The following DNM1L variants were observed in gnomAD, a reference collection of about 807,000 sequenced individuals.
DNM1L encodes the protein dynamin 1L, also known as dynamin-1-like protein.
In DNM1L, 33 loss-of-function variants were observed where a neutral mutation model predicts 92.8. The ratio of observed to expected loss-of-function variants is 0.36; its 90% CI spans 0.27 to 0.48. The LOEUF (loss-of-function observed/expected upper bound fraction) is 0.48, where lower values mean the gene tolerates loss of function less well. DNM1L is among the 20% of genes least tolerant of loss of function. The probability of loss-of-function intolerance (pLI) is 0.99; values close to 1 mark genes in which losing one functional copy is unlikely to be tolerated. For missense variants in DNM1L, 485 were observed against 888.8 expected, an observed-to-expected ratio of 0.55 and a Z score of 5.78; for synonymous variants, 284 against 305.0, an observed-to-expected ratio of 0.93 and a Z score of 0.72.
chr12:32,739,697 T>C (rs1474685415), intron 16 of DNM1L: 1 of 233,914 alleles, frequency 4.3e-6, no homozygotes, highest in African/African-American at 2.2e-5. Context: ...AGCAGTTCTT[T>C]GTGCTTTTAA....
intron 5 of DNM1L, among the ~76,000 whole-genome samples, chr12:32,712,812 G>A (rs180966847): frequency 6.6e-6 from 1 of 151,922 alleles, no homozygotes; most frequent in African/African-American, 2.4e-5. Context: ...TAAGTTCTAC[G>A]AAGGCAGAAA....
intron 7 of DNM1L, among the ~76,000 whole-genome samples, chr12:32,720,293 T>C (rs1237899147): frequency 1.3e-5 from 2 of 152,210 alleles, no homozygotes; most frequent in Non-Finnish European, 2.9e-5. Flanking sequence ...TCCCTGTCCA[T>C]GGATAAAATA....
At chr12:32,738,101 C>A in intron 15 of DNM1L, 159 bp downstream of exon 15, 1 of 1,045,362 alleles carries the variant, frequency 9.6e-7, no homozygotes, top group Non-Finnish European at 1.4e-6. Flanking sequence ...TATAACAATG[C>A]AATGCATAGT....
chr12:32,727,782 C>T (rs1049026655), intron 9 of DNM1L, among the ~76,000 whole-genome samples: 1 of 152,162 alleles, frequency 6.6e-6, no homozygotes, highest in Non-Finnish European at 1.5e-5. Context: ...GGCCAGTCTC[C>T]TACTACTGGA....
intron 6 of DNM1L, among the ~76,000 whole-genome samples, chr12:32,717,883 ATT>A (rs567061273): frequency 2.8e-5 from 3 of 108,802 alleles, no homozygotes; most frequent in African/African-American, 1.2e-4. Flanking sequence ...TACTATATAT[ATT>A]TATATATACT....
intron 1 of DNM1L, among the ~76,000 whole-genome samples, chr12:32,695,962 C>T (rs577672478): frequency 6.6e-6 from 1 of 152,052 alleles, no homozygotes; most frequent in African/African-American, 2.4e-5. Flanking sequence ...ACGTTGGAAA[C>T]AAGTAAAGAA....
At chr12:32,738,221 A>C (rs765617322) in intron 15 of DNM1L, 43 bp from the exon 16 acceptor site, 2 of 1,610,090 alleles carry the variant, frequency 1.2e-6, no homozygotes, top group Non-Finnish European at 1.7e-6. Flanking sequence ...TGGTATTTAA[A>C]TTTTGCTTGT....
intron 6 of DNM1L, among the ~76,000 whole-genome samples, chr12:32,717,343 ATATATTATATATAG>A (rs1953468035): frequency 1.5e-5 from 1 of 65,910 alleles, no homozygotes; most frequent in African/African-American, 7.5e-5. Context: ...TATATATACT[ATATATTATATATAG>A]TATATATAAT....
At chr12:32,723,570 T>G (rs1953905236) in intron 9 of DNM1L, among the ~76,000 whole-genome samples, 1 of 151,762 alleles carries the variant, frequency 6.6e-6, no homozygotes, top group South Asian at 2.1e-4. Flanking sequence ...GGTGGGCAGC[T>G]GTAATCCCAG....
rs747768123 is a variant in DNM1L, at chr12:32,731,523, A to C, written c.1356+12A>C. 6 of 1,613,786 alleles carry C rather than the reference A, an allele frequency of 3.7e-6. No homozygotes were observed. Among genetic ancestry groups the C allele is most frequent in the South Asian group, 2.2e-5 (2 of 91,090 alleles). On this transcript the variant is annotated intron_variant, in intron 11 of 19. Coordinates refer to ENST00000549701, the MANE Select transcript of DNM1L (RefSeq NM_012062.5). This position sits in a 1 kb window ranked among gnomAD's most constrained non-coding sequence, Gnocchi z 5.1. The stretch of plus-strand genomic sequence containing the variant: ...ATTACAGTACACAGGTAACGGAGAG[A>C]AATGTAACAGGTTTCACATGAACTA...
chr12:32,722,748 A>G (rs1953863145), intron 9 of DNM1L, 115 bp downstream of exon 9: 7 of 800,478 alleles, frequency 8.7e-6, no homozygotes, highest in Non-Finnish European at 1.4e-5. Context: ...CTATAAAACA[A>G]AAATATAACT....
rs764865265 is a variant in DNM1L at position 32,742,740 on chromosome 12, A to G, written c.2146A>G (p.Met716Val). 14 of 1,614,016 alleles carry G rather than the reference A, an allele frequency of 8.7e-6. No individual in the cohort carries two copies. Among genetic ancestry groups the G allele is most frequent in the South Asian group, 1.1e-5 (1 of 91,086 alleles). ...MAQRRKEAADMLKALQGASQI... is the reference protein window; with the variant it reads ...MAQRRKEAADVLKALQGASQI... ...ACAGCGCAGGAAAGAAGCAGCTGAT[A>G]TGCTAAAGGTATTGTGGACCTTTTG... Residue 716 changes from methionine to valine, a missense_variant, in exon 19 of 20, where the codon ATG becomes GTG. Coordinates refer to ENST00000549701, the MANE Select transcript of DNM1L (RefSeq NM_012062.5).
rs1384408811 is a variant in DNM1L at position 32,679,370 on chromosome 12, G to A, written c.7G>A (p.Ala3Thr). The A allele has an allele frequency of 1.2e-6, 2 of 1,612,932 alleles. No homozygotes were observed. The highest frequency in any genetic ancestry group is 1.7e-6 in the Non-Finnish European group (2 of 1,179,320). Residue 3 changes from alanine to threonine, a missense_variant, in exon 1 of 20, where the codon GCG becomes ACG. Ala to Thr is a moderately conservative substitution (Grantham distance 58, BLOSUM62 0). This residue lies in a region of DNM1L where 19 missense variants were observed against 16.1 expected (regional missense o/e 1.18). Transcript: ENST00000549701. Reference sequence around the variant, plus strand: ...GCCCCGTGTTTTCAGAGTCATGGAGGCGCTAATTCCTGTCATAAACAAGCT... The same window carrying A: ...GCCCCGTGTTTTCAGAGTCATGGAGACGCTAATTCCTGTCATAAACAAGCT... MEALIPVINKLQD... is the reference protein window; with the variant it reads METLIPVINKLQD...
intron 6 of DNM1L, among the ~76,000 whole-genome samples, chr12:32,714,850 A>G (rs1272927752): frequency 6.6e-6 from 1 of 151,150 alleles, no homozygotes; most frequent in Admixed American, 6.6e-5. Context: ...ACAAAAAACA[A>G]TTAGCTGGGT....
At chr12:32,737,486 G>A in intron 14 of DNM1L, 1 of 384,106 alleles carries the variant, frequency 2.6e-6, no homozygotes, top group Non-Finnish European at 4.7e-6. Context: ...ATTATAATAA[G>A]AGGGTTTCTT....
chr12:32,691,778 A>T (rs1952244394), intron 1 of DNM1L, among the ~76,000 whole-genome samples: 1 of 152,226 alleles, frequency 6.6e-6, no homozygotes, highest in Admixed American at 6.5e-5. Flanking sequence ...ATTGATTAAG[A>T]GCACTTGGAG....
intron 1 of DNM1L, among the ~76,000 whole-genome samples, chr12:32,685,672 C>G (rs764968984): frequency 1.9e-4 from 29 of 152,102 alleles, no homozygotes; most frequent in Non-Finnish European, 4.0e-4. Context: ...CGTGGCTGCA[C>G]CATTTCACAT....
intron 1 of DNM1L, chr12:32,680,035 G>C (rs960887842): frequency 2.0e-6 from 2 of 981,740 alleles, no homozygotes; most frequent in Middle Eastern, 5.2e-4. Context: ...ACCAGGTTTC[G>C]AGAACGCCGA....
chr12:32,738,159 A>G, intron 15 of DNM1L, 105 bp from the exon 16 acceptor site: 2 of 1,386,028 alleles, frequency 1.4e-6, no homozygotes, highest in Non-Finnish European at 1.0e-6. Context: ...ATGCACACAG[A>G]AAAAGTAATT....
Sources: allele counts gnomAD v4.1 joint callset (sites outside exome capture counted in the v4.1 genomes callset), GRCh38; gene constraint gnomAD v4.1.1; regional missense constraint gnomAD v4.1.1; non-coding constraint Gnocchi (gnomAD v3.1); transcripts MANE v1.5; gene names NCBI Gene and HGNC (gene_info 2026-07-23, HGNC 2026-07-21).